Variants in RYR3 observed in about 807,000 individuals in gnomAD.
RYR3 encodes the protein brain ryanodine receptor-calcium release channel.
Under a neutral mutation model 584.3 loss-of-function variants are expected in RYR3, and 207 were observed. The ratio of observed to expected loss-of-function variants is 0.35; its 90% CI spans 0.32 to 0.40. The LOEUF (loss-of-function observed/expected upper bound fraction) is 0.40, where lower values mean the gene tolerates loss of function less well. RYR3 is among the 10% of genes least tolerant of loss of function. RYR3 has a pLI of 1.00. For synonymous variants in RYR3, 2,416 were observed against 2,248.5 expected (o/e 1.07, Z -2.11); for missense variants, 5,616 against 6,089.2 (o/e 0.92, Z 2.59).
At chr15:33,805,777 T>C (rs2076175478) in intron 69 of RYR3, among the ~76,000 whole-genome samples, 1 of 151,984 alleles carries the variant, frequency 6.6e-6, no homozygotes, top group African/African-American at 2.4e-5. Context: ...ACACCCGGCC[T>C]TCTCTTTTGT....
intron 2 of RYR3, among the ~76,000 whole-genome samples, chr15:33,502,466 C>T (rs927746515): frequency 6.6e-6 from 1 of 152,116 alleles, no homozygotes; most frequent in Non-Finnish European, 1.5e-5. Flanking sequence ...CTGTTGTTCT[C>T]ATGGTATTGA....
chr15:33,484,377 C>T (rs865991982), intron 2 of RYR3, among the ~76,000 whole-genome samples: 10 of 151,998 alleles, frequency 6.6e-5, no homozygotes, highest in Admixed American at 3.3e-4. Flanking sequence ...TTGGCATATG[C>T]CAAAGCTTCA....
chr15:33,557,423 T>C (rs917854271), intron 10 of RYR3, among the ~76,000 whole-genome samples: 2 of 152,184 alleles, frequency 1.3e-5, no homozygotes, highest in African/African-American at 2.4e-5. Flanking sequence ...TCTCGCTCAA[T>C]TGCCAGGCTG....
chr15:33,780,245 C>G lies in RYR3; in HGVS notation c.9172C>G (p.Leu3058Val). Residue 3058 changes from leucine (L) to valine (V), a missense_variant, in exon 65 of 104, where the codon CTG becomes GTG. This residue lies in a region of RYR3 where 954 missense variants were observed against 1,132.2 expected (regional missense o/e 0.84). Coordinates refer to ENST00000634891, the MANE Select transcript of RYR3 (RefSeq NM_001036.6). Reference protein sequence around the residue: ...RPALGECLASLAAAIPVAFLE... With the variant: ...RPALGECLASVAAAIPVAFLE... The stretch of plus-strand genomic sequence containing the variant: ...TGCCCTTGGAGAATGTCTGGCCTCG[C>G]TGGCAGCTGCCATACCAGTGGCATT... 1 of 1,613,798 alleles carries G rather than the reference C, an allele frequency of 6.2e-7. No homozygotes were observed.
At chr15:33,477,734 A>G (rs938532792) in intron 2 of RYR3, among the ~76,000 whole-genome samples, 8 of 147,870 alleles carry the variant, frequency 5.4e-5, no homozygotes, top group African/African-American at 7.9e-5. Flanking sequence ...AATTAGCCGG[A>G]CGTGGTGGCG....
intron 1 of RYR3, among the ~76,000 whole-genome samples, chr15:33,364,651 C>T (rs561498675): frequency 2.6e-5 from 4 of 152,230 alleles, no homozygotes; most frequent in African/African-American, 9.6e-5. Context: ...AAAGTCATCT[C>T]CTAAGATATA....
At chr15:33,533,445 T>A in intron 5 of RYR3, 56 bp downstream of exon 5, 4 of 1,224,856 alleles carry the variant, frequency 3.3e-6, no homozygotes, top group Non-Finnish European at 4.7e-6. Context: ...GCTAAGGGGC[T>A]TTTGAGAAGG....
intron 43 of RYR3, among the ~76,000 whole-genome samples, chr15:33,710,026 T>G (rs551295032): frequency 6.6e-6 from 1 of 152,188 alleles, no homozygotes; most frequent in South Asian, 2.1e-4. Context: ...TAAATTATTA[T>G]GGTGTTGGTA....
intron 12 of RYR3, among the ~76,000 whole-genome samples, chr15:33,571,429 ATCT>A (rs2058022947): frequency 6.6e-6 from 1 of 152,096 alleles, no homozygotes; most frequent in Non-Finnish European, 1.5e-5. Flanking sequence ...TTGAATTGTC[ATCT>A]TCTACTTCAA....
Position 33,379,687 on chromosome 15 carries a change from C to CTCTCTATATA in RYR3, c.51+68592_51+68593insCTCTATATAT. The stretch of plus-strand genomic sequence containing the variant: ...TGTCCCTCTCTCTCTCTCTCTCTCT[C>CTCTCTATATA]TATATATATATATATATATATGAAT... On this transcript the variant is annotated intron_variant, in intron 1 of 103. Coordinates refer to ENST00000634891, the MANE Select transcript of RYR3 (RefSeq NM_001036.6). Among the ~76,000 whole-genome samples the CTCTCTATATA allele has an allele frequency of 3.2e-3, 403 of 125,498 alleles. 2 individuals carry two copies. The highest frequency in any genetic ancestry group is 0.012 in the Middle Eastern group (3 of 242). The allele number at this position is 125,498 out of a possible 152,430, so 82.3% of individuals were successfully genotyped here.
At chr15:33,450,852 C>T (rs1327737634) in intron 1 of RYR3, among the ~76,000 whole-genome samples, 4 of 152,152 alleles carry the variant, frequency 2.6e-5, no homozygotes, top group African/African-American at 9.7e-5. Context: ...ACTTACTCCT[C>T]AAGGCCCCAA....
intron 40 of RYR3, among the ~76,000 whole-genome samples, chr15:33,698,453 C>G (rs1162093720): frequency 6.6e-6 from 1 of 152,176 alleles, no homozygotes; most frequent in Non-Finnish European, 1.5e-5. Flanking sequence ...CTTGCCAGCT[C>G]CCTCATAAGG....
intron 1 of RYR3, among the ~76,000 whole-genome samples, chr15:33,358,952 T>G (rs1240757249): frequency 6.6e-6 from 1 of 152,238 alleles, no homozygotes; most frequent in Non-Finnish European, 1.5e-5. Context: ...CTATTTCATG[T>G]GCTTTGAGTA....
chr15:33,719,129 C>A (rs2067712921), intron 43 of RYR3, among the ~76,000 whole-genome samples: 1 of 152,180 alleles, frequency 6.6e-6, no homozygotes, highest in Admixed American at 6.5e-5. Context: ...GGTCCCCTGT[C>A]TAATTAGCAG....
At position 33,613,319 on chromosome 15, in the gene RYR3, G is replaced by A. The variant is rs145097742; in HGVS notation, c.2301G>A (p.Glu767=). ...INGQPVQGMF[E]NFNTDGLFFP... ...GGCAGCCCGTGCAGGGGATGTTTGAGAACTTCAACACAGACGGGCTCTTCT... is the reference window on the plus strand; with the variant it reads ...GGCAGCCCGTGCAGGGGATGTTTGAAAACTTCAACACAGACGGGCTCTTCT... Residue 767 remains glutamate (E), a synonymous_variant, in exon 19 of 104, where the codon GAG becomes GAA. Coordinates refer to ENST00000634891, the MANE Select transcript of RYR3 (RefSeq NM_001036.6). 1.5e-4 allele frequency: 249 copies of A among 1,613,888 alleles called. No individual in the cohort carries two copies. In the African/African-American group the frequency reaches 3.1e-3, roughly 20 times the overall value.
chr15:33,543,613 C>G lies in RYR3; in HGVS notation c.647-9C>G. 15 of 1,552,818 alleles carry G rather than the reference C, an allele frequency of 9.7e-6. No individual in the cohort carries two copies. Among genetic ancestry groups the G allele is most frequent in the Non-Finnish European group, 1.2e-5 (13 of 1,124,180 alleles). On this transcript the variant is annotated splice_polypyrimidine_tract_variant and intron_variant, in intron 7 of 103. Transcript: ENST00000634891. ...CCATCATTCACAGTAGAATATAATT[C>G]TCTTACAGGATACCTACTTGGTGGG...
At position 33,406,024 on chromosome 15, in the gene RYR3, C is replaced by T. The variant is rs140098584; in HGVS notation, c.52-67395C>T. Among the ~76,000 whole-genome samples the T allele has an allele frequency of 1.5e-4, 23 of 152,302 alleles. No homozygotes were observed. In the East Asian group the frequency reaches 2.5e-3, roughly 17 times the overall value. ...TCTCAGTGGCTCTGCTTAGTTTATG[C>T]GCCTACCCTTGAACCAAGCAGTGTA... On this transcript the variant is annotated intron_variant, in intron 1 of 103. Transcript: ENST00000634891.
chr15:33,663,780 A>C, intron 36 of RYR3, 43 bp downstream of exon 36: 2 of 1,522,052 alleles, frequency 1.3e-6, no homozygotes, highest in African/African-American at 1.4e-5. Context: ...CTATGGAAGA[A>C]CTTGAGACCT....
chr15:33,314,958 C>T (rs973090396), intron 1 of RYR3, among the ~76,000 whole-genome samples: 1 of 151,614 alleles, frequency 6.6e-6, no homozygotes, highest in African/African-American at 2.4e-5. Context: ...AAAACAACAA[C>T]AACAAAAAAC....
Sources: allele counts gnomAD v4.1 joint callset (sites outside exome capture counted in the v4.1 genomes callset), GRCh38; gene constraint gnomAD v4.1.1; regional missense constraint gnomAD v4.1.1; transcripts MANE v1.5; gene names NCBI Gene and HGNC (gene_info 2026-07-23, HGNC 2026-07-21).